EPHA6: variants seen among roughly 807,000 people sequenced by gnomAD.
EPHA6 encodes ephrin type-A receptor 6.
In EPHA6, 50 loss-of-function variants were observed where a neutral mutation model predicts 112.0. That is an observed-to-expected ratio of 0.45 (90% CI 0.36 to 0.56). The LOEUF is 0.56. Among genes scored for constraint, EPHA6 ranks in the 20% least tolerant of loss-of-function variants. EPHA6 has a pLI of 0.00. For synonymous variants in EPHA6, 529 were observed against 490.7 expected, an observed-to-expected ratio of 1.08 and a Z score of -1.03; for missense variants, 1,280 against 1,417.4, an observed-to-expected ratio of 0.90 and a Z score of 1.56.
At chr3:97,581,749 G>A (rs2093440484) in intron 11 of EPHA6, among the ~76,000 whole-genome samples, 1 of 152,220 alleles carries the variant, frequency 6.6e-6, no homozygotes, top group Non-Finnish European at 1.5e-5. Context: ...GGATCCCTCT[G>A]GCTCCACACC....
intron 7 of EPHA6, among the ~76,000 whole-genome samples, chr3:97,455,540 T>G (rs1469826055): frequency 6.6e-6 from 1 of 152,058 alleles, no homozygotes; most frequent in African/African-American, 2.4e-5. Context: ...ATTTTCTACA[T>G]GACTATTTTT....
chr3:97,508,016 C>G (rs28969378), intron 10 of EPHA6, among the ~76,000 whole-genome samples: 1 of 152,004 alleles, frequency 6.6e-6, no homozygotes, highest in South Asian at 2.1e-4. Flanking sequence ...TCTACTTTAT[C>G]ATTTTTTGGG....
intron 2 of EPHA6, among the ~76,000 whole-genome samples, chr3:96,964,310 C>G (rs1474275946): frequency 6.6e-6 from 1 of 152,140 alleles, no homozygotes. Flanking sequence ...TATTTCAGTG[C>G]CACATTATTA....
At chr3:97,030,774 T>G (rs1193955731) in intron 3 of EPHA6, among the ~76,000 whole-genome samples, 1 of 152,036 alleles carries the variant, frequency 6.6e-6, no homozygotes, top group Non-Finnish European at 1.5e-5. Flanking sequence ...GAATACAAAT[T>G]TATATCTACT....
intron 6 of EPHA6, among the ~76,000 whole-genome samples, chr3:97,416,836 T>G (rs2088170133): frequency 6.6e-6 from 1 of 152,114 alleles, no homozygotes; most frequent in African/African-American, 2.4e-5. Context: ...TCAATATCAT[T>G]TTAACTTTCA....
intron 14 of EPHA6, among the ~76,000 whole-genome samples, chr3:97,650,372 A>G (rs1468147805): frequency 6.6e-6 from 1 of 152,136 alleles, no homozygotes; most frequent in East Asian, 1.9e-4. Flanking sequence ...TTAATGCAAT[A>G]CCAAAGGAAA....
chr3:97,626,519 G>A (rs138293819), intron 13 of EPHA6, among the ~76,000 whole-genome samples: 1 of 151,718 alleles, frequency 6.6e-6, no homozygotes, highest in Non-Finnish European at 1.5e-5. Context: ...GATCATTCAG[G>A]TAACAGACCG....
intron 15 of EPHA6, among the ~76,000 whole-genome samples, chr3:97,721,688 T>C (rs1385986186): frequency 6.6e-6 from 1 of 152,184 alleles, no homozygotes; most frequent in Non-Finnish European, 1.5e-5. Flanking sequence ...CCGCAACACT[T>C]AGACTTTTTG....
chr3:97,048,574 A>C (rs2045586836), intron 3 of EPHA6, among the ~76,000 whole-genome samples: 1 of 152,222 alleles, frequency 6.6e-6, no homozygotes, highest in African/African-American at 2.4e-5. Context: ...CAATAATTCT[A>C]ACAAAATAGA....
chr3:97,013,942 T>C (rs1191025100), intron 3 of EPHA6, among the ~76,000 whole-genome samples: 1 of 152,148 alleles, frequency 6.6e-6, no homozygotes, highest in African/African-American at 2.4e-5. Flanking sequence ...CATTATCTTA[T>C]TTTTGTACTT....
intron 14 of EPHA6, among the ~76,000 whole-genome samples, chr3:97,660,091 T>C (rs187142556): frequency 4.6e-5 from 7 of 152,202 alleles, no homozygotes; most frequent in Admixed American, 3.9e-4. Context: ...CTACATATTC[T>C]TATGTGCATT....
intron 6 of EPHA6, chr3:97,447,704 C>A (rs188013558): frequency 2.8e-4 from 270 of 971,126 alleles, no homozygotes; most frequent in Admixed American, 1.7e-3. Flanking sequence ...ATGTAACAAA[C>A]CCTGACTGTC....
At chr3:97,432,437 A>G (rs952075607) in intron 6 of EPHA6, among the ~76,000 whole-genome samples, 1 of 152,154 alleles carries the variant, frequency 6.6e-6, no homozygotes, top group African/African-American at 2.4e-5. Context: ...CAATATTGTA[A>G]GGTGGATAGA....
At chr3:97,258,028 C>T (rs1158616915) in intron 5 of EPHA6, among the ~76,000 whole-genome samples, 1 of 152,040 alleles carries the variant, frequency 6.6e-6, no homozygotes, top group East Asian at 1.9e-4. Flanking sequence ...TTTGCAAAGT[C>T]CTTTATGATC....
rs576883908 is a variant in EPHA6 at position 97,317,947 on chromosome 3, G to A, written c.1606+73660G>A. ...GGATTACATTTGCTTTGCCAGTGGG[G>A]AGACTTAAATTGAGCATTTTCAGAA... On this transcript the variant is annotated intron_variant, in intron 5 of 17. Coordinates refer to ENST00000389672, the MANE Select transcript of EPHA6 (RefSeq NM_001080448.3). Among the ~76,000 whole-genome samples the A allele has an allele frequency of 2.6e-5, 4 of 152,070 alleles. No individual in the cohort carries two copies. In the South Asian group the frequency reaches 6.2e-4, roughly 24 times the overall value.
chr3:97,331,244 A>G (rs2108822123), intron 5 of EPHA6, among the ~76,000 whole-genome samples: 1 of 152,300 alleles, frequency 6.6e-6, no homozygotes, highest in Non-Finnish European at 1.5e-5. Flanking sequence ...GACACATTCA[A>G]AGCAGTGTGT....
At chr3:97,291,921 C>T (rs1485807834) in intron 5 of EPHA6, among the ~76,000 whole-genome samples, 1 of 152,232 alleles carries the variant, frequency 6.6e-6, no homozygotes, top group Non-Finnish European at 1.5e-5. Flanking sequence ...TTGTGCCTGG[C>T]AGGTTGCACT....
rs1041499895 is a variant in EPHA6 at position 97,538,448 on chromosome 3, G to A, written c.2386+5905G>A. 2.0e-5 allele frequency among the ~76,000 whole-genome samples: 3 copies of A among 152,146 alleles called. No individual in the cohort carries two copies. In the South Asian group the frequency reaches 6.2e-4, roughly 32 times the overall value. ...TCTTATTTGGACATGCTAAGTTTAA[G>A]GTGTCTGTGACATTTAGTTAAAGAC... is the stretch of plus-strand genomic sequence containing the variant. On this transcript the variant is annotated intron_variant, in intron 11 of 17. Coordinates refer to ENST00000389672, the MANE Select transcript of EPHA6 (RefSeq NM_001080448.3).
At chr3:96,981,426 T>C (rs1235635430) in intron 2 of EPHA6, among the ~76,000 whole-genome samples, 2 of 152,216 alleles carry the variant, frequency 1.3e-5, no homozygotes, top group African/African-American at 2.4e-5. Flanking sequence ...GATAAGCTTT[T>C]TGATGTGCTG....
Sources: gnomAD v4.1 joint callset for allele counts (sites outside exome capture counted in the v4.1 genomes callset) on GRCh38, gnomAD v4.1.1 for gene constraint, MANE v1.5 for transcripts, NCBI Gene and HGNC (gene_info 2026-07-23, HGNC 2026-07-21) for gene names.